Variants in SIPA1L2 observed in about 807,000 individuals in gnomAD.
The protein encoded by SIPA1L2 is signal-induced proliferation-associated 1-like protein 2.
In SIPA1L2, 56 loss-of-function variants were observed where a neutral mutation model predicts 163.9. The ratio of observed to expected loss-of-function variants is 0.34; its 90% CI spans 0.28 to 0.43. SIPA1L2 has a LOEUF of 0.43. Among genes scored for constraint, SIPA1L2 ranks in the 20% least tolerant of loss-of-function variants. SIPA1L2 has a pLI of 1.00. For synonymous variants in SIPA1L2, 877 were observed against 865.7 expected, an observed-to-expected ratio of 1.01 and a Z score of -0.23; for missense variants, 1,974 against 2,193.5, an observed-to-expected ratio of 0.90 and a Z score of 2.00.
chr1:232,403,048 T>C (rs1292665546), intron 21 of SIPA1L2, among the ~76,000 whole-genome samples: 1 of 152,228 alleles, frequency 6.6e-6, no homozygotes, highest in Non-Finnish European at 1.5e-5. Flanking sequence ...GGAGGGGCCA[T>C]GCCCTGGGCT....
intron 2 of SIPA1L2, among the ~76,000 whole-genome samples, chr1:232,573,232 G>C (rs1044626358): frequency 1.3e-5 from 2 of 152,164 alleles, no homozygotes; most frequent in African/African-American, 4.8e-5. Flanking sequence ...ATATGGAGGG[G>C]AATGATGCTA....
At chr1:232,589,851 A>G (rs1008482548) in intron 1 of SIPA1L2, among the ~76,000 whole-genome samples, 17 of 152,248 alleles carry the variant, frequency 1.1e-4, no homozygotes, top group African/African-American at 4.1e-4. Context: ...ACTATAAAAA[A>G]GAAAAAAGAA....
At chr1:232,519,224 C>A (rs1251371724) in intron 2 of SIPA1L2, among the ~76,000 whole-genome samples, 1 of 152,176 alleles carries the variant, frequency 6.6e-6, no homozygotes, top group East Asian at 1.9e-4. Context: ...AAAAGAATGT[C>A]ATACTTCATC....
At chr1:232,606,453 C>T (rs778118932) in intron 1 of SIPA1L2, among the ~76,000 whole-genome samples, 3 of 152,044 alleles carry the variant, frequency 2.0e-5, no homozygotes, top group Admixed American at 2.0e-4. Flanking sequence ...AAGCCGAGAG[C>T]TTTAACGGTA....
intron 12 of SIPA1L2, among the ~76,000 whole-genome samples, chr1:232,442,982 C>G (rs1662993956): frequency 6.6e-6 from 1 of 152,220 alleles, no homozygotes; most frequent in Admixed American, 6.5e-5. Flanking sequence ...ATTCTCTCCT[C>G]TCAATCAGTG....
intron 4 of SIPA1L2, 133 bp from the exon 5 acceptor site, chr1:232,491,195 G>GC: frequency 2.7e-6 from 2 of 733,272 alleles, no homozygotes; most frequent in South Asian, 2.0e-5. Context: ...AGGGGCGACA[G>GC]TGTTCCATTT....
intron 1 of SIPA1L2, among the ~76,000 whole-genome samples, chr1:232,627,108 C>T (rs1427355226): frequency 1.3e-5 from 2 of 152,072 alleles, no homozygotes; most frequent in African/African-American, 4.8e-5. Context: ...TCTTCAAATT[C>T]AGTGTGTCTT....
At chr1:232,563,953 T>TGTG (rs1365909072) in intron 2 of SIPA1L2, among the ~76,000 whole-genome samples, 2 of 130,094 alleles carry the variant, frequency 1.5e-5, no homozygotes, top group African/African-American at 7.2e-5. Context: ...TGTTTTTTTT[T>TGTG]TTCGTGTGTG....
At chr1:232,473,055 C>A (rs12146128) in intron 7 of SIPA1L2, among the ~76,000 whole-genome samples, 38,169 of 152,012 alleles carry the variant, frequency 0.25, 4,923 homozygotes, top group Admixed American at 0.35. Context: ...TAATACAGAC[C>A]CAATGAGCCA....
chr1:232,617,640 T>TA (rs960284205), intron 1 of SIPA1L2, among the ~76,000 whole-genome samples: 23 of 144,834 alleles, frequency 1.6e-4, no homozygotes, highest in Admixed American at 1.4e-4. Flanking sequence ...TCAATGGCCC[T>TA]AAAAAAAAAA....
chr1:232,529,308 C>T (rs541155606), intron 2 of SIPA1L2, among the ~76,000 whole-genome samples: 97 of 152,326 alleles, frequency 6.4e-4, no homozygotes, highest in African/African-American at 2.3e-3. Context: ...TAATCTATGA[C>T]TCTTTTCCCC....
At position 232,513,869 on chromosome 1, in the gene SIPA1L2, A is replaced by G; in HGVS notation, c.1471T>C (p.Phe491Leu). The change falls in exon 3 of 23, where the codon TTC becomes CTC. Residue 491 changes from phenylalanine to leucine, a missense_variant. Phe to Leu is a conservative substitution (Grantham distance 22). Coordinates refer to ENST00000674635, the MANE Select transcript of SIPA1L2 (RefSeq NM_020808.5). ...DLGAYYYRKFFYGKEHQNYFG... is the reference protein window; with the variant it reads ...DLGAYYYRKFLYGKEHQNYFG... ...GGCTCTTCCTTACCTTTCCCATAGA[A>G]GAATTTGCGGTAATAATAGGCCCCA... The G allele has an allele frequency of 2.5e-6, 4 of 1,569,758 alleles. No homozygotes were observed. The highest frequency in any genetic ancestry group is 3.4e-6 in the Non-Finnish European group (4 of 1,161,576).
At chr1:232,605,971 A>G (rs898272147) in intron 1 of SIPA1L2, among the ~76,000 whole-genome samples, 1 of 152,078 alleles carries the variant, frequency 6.6e-6, no homozygotes, top group Non-Finnish European at 1.5e-5. Flanking sequence ...CCACATATTC[A>G]TATCAGTGTC....
At chr1:232,491,315 G>A (rs1408902279) in intron 4 of SIPA1L2, among the ~76,000 whole-genome samples, 1 of 152,126 alleles carries the variant, frequency 6.6e-6, no homozygotes, top group Admixed American at 6.5e-5. Context: ...AGAATGAGAA[G>A]AAGCAAGGCA....
chr1:232,493,565 A>T lies in SIPA1L2; in HGVS notation c.1579T>A (p.Ser527Thr). The T allele has an allele frequency of 6.2e-7, 1 of 1,614,122 alleles. No individual in the cohort carries two copies. Among genetic ancestry groups the T allele is most frequent in the South Asian group, 1.1e-5 (1 of 91,078 alleles). ...AAAGCCACCCTGTAGTTGAACTGGG[A>T]TCCTTCTTTCTCCTTGGCATCTTCC... ...KVEDAKEKEG[S>T]QFNYRVAFRT... Residue 527 changes from serine (S) to threonine (T), a missense_variant, in exon 4 of 23, where the codon TCC (serine) becomes ACC (threonine). Physicochemically the swap from Ser to Thr is moderately conservative, Grantham distance 58. Around this residue, in one of 3 missense-constraint regions of SIPA1L2, gnomAD observed 288 missense variants for 418.9 expected, o/e 0.69. Coordinates refer to ENST00000674635, the MANE Select transcript of SIPA1L2 (RefSeq NM_020808.5).
At chr1:232,426,732 C>T (rs1160346064) in intron 17 of SIPA1L2, among the ~76,000 whole-genome samples, 2 of 151,848 alleles carry the variant, frequency 1.3e-5, no homozygotes, top group East Asian at 3.9e-4. Flanking sequence ...TGGATCATAA[C>T]CAGACTTAAA....
chr1:232,534,054 G>A (rs750625560), intron 2 of SIPA1L2, among the ~76,000 whole-genome samples: 1 of 151,754 alleles, frequency 6.6e-6, no homozygotes, highest in Non-Finnish European at 1.5e-5. Context: ...AAATTCATAT[G>A]AAACCTCAAG....
intron 19 of SIPA1L2, among the ~76,000 whole-genome samples, chr1:232,410,031 CCTAT>C (rs747697100): frequency 7.9e-5 from 12 of 151,700 alleles, no homozygotes; most frequent in Non-Finnish European, 1.2e-4. Context: ...TGTATAAAAC[CCTAT>C]CTAAATTTCT....
At chr1:232,452,604 C>T (rs1484655943) in intron 10 of SIPA1L2, among the ~76,000 whole-genome samples, 1 of 152,172 alleles carries the variant, frequency 6.6e-6, no homozygotes, top group East Asian at 1.9e-4. Context: ...AGGTGGAATC[C>T]CTGCTGGCCA....
Sources: gnomAD v4.1 joint callset for allele counts (sites outside exome capture counted in the v4.1 genomes callset) on GRCh38, gnomAD v4.1.1 for gene constraint, gnomAD v4.1.1 regional missense constraint, MANE v1.5 for transcripts, NCBI Gene and HGNC (gene_info 2026-07-23, HGNC 2026-07-21) for gene names.